FGF12: variants seen among roughly 807,000 people sequenced by gnomAD.
FGF12 encodes the protein fibroblast growth factor 12, also known as fibroblast growth factor 12B.
A neutral mutation model predicts 23.6 loss-of-function variants in FGF12; 14 were observed. That is an observed-to-expected ratio of 0.59 (90% CI 0.39 to 0.93). The LOEUF (loss-of-function observed/expected upper bound fraction) is 0.93. Among genes scored for constraint, FGF12 ranks in the 40% least tolerant of loss-of-function variants. The probability of loss-of-function intolerance (pLI) is 0.00; values close to 1 mark genes in which losing one functional copy is unlikely to be tolerated. For synonymous variants in FGF12, 62 were observed against 77.3 expected (o/e 0.80, Z 1.04); for missense variants, 175 against 217.8 (o/e 0.80, Z 1.24).
intron 2 of FGF12, among the ~76,000 whole-genome samples, chr3:192,364,539 T>C (rs530400833): frequency 3.3e-4 from 50 of 152,312 alleles, no homozygotes; most frequent in African/African-American, 1.2e-3. Context: ...GTTTGGCAGA[T>C]GAATGAGTGT....
intron 2 of FGF12, among the ~76,000 whole-genome samples, chr3:192,428,582 T>C (rs985091961): frequency 9.2e-5 from 14 of 152,172 alleles, no homozygotes; most frequent in African/African-American, 2.9e-4. Context: ...ACAGTGACTC[T>C]TCTCTTGGGT....
chr3:192,430,086 G>A (rs1273436441), intron 2 of FGF12, among the ~76,000 whole-genome samples: 1 of 151,940 alleles, frequency 6.6e-6, no homozygotes, highest in Non-Finnish European at 1.5e-5. Context: ...TATGTTCATA[G>A]CAGCATATTC....
At chr3:192,686,232 A>G (rs891396741) in intron 2 of FGF12, among the ~76,000 whole-genome samples, 2 of 152,220 alleles carry the variant, frequency 1.3e-5, no homozygotes, top group African/African-American at 4.8e-5. Context: ...TCTAGGGGAA[A>G]CCTTGACTGG....
chr3:192,205,024 C>T (rs9858041), intron 4 of FGF12, among the ~76,000 whole-genome samples: 2,776 of 152,272 alleles, frequency 0.018, 92 homozygotes, highest in African/African-American at 0.064. Flanking sequence ...TGATTTTCTA[C>T]TCTCCTAAGT....
At chr3:192,674,674 T>C (rs769446464) in intron 2 of FGF12, among the ~76,000 whole-genome samples, 3 of 152,194 alleles carry the variant, frequency 2.0e-5, no homozygotes, top group Non-Finnish European at 2.9e-5. Context: ...CTCTCCAATC[T>C]AAAAATTCTC....
Position 192,408,492 on chromosome 3 carries a change from T to G in FGF12, c.14-47954A>C. 1 of 1,295,628 alleles carries G rather than the reference T, an allele frequency of 7.7e-7. No individual in the cohort carries two copies. The highest frequency in any genetic ancestry group is 9.8e-7 in the Non-Finnish European group (1 of 1,022,946). 80.3% of individuals were successfully genotyped at this position (1,295,628 alleles called of 1,614,324 possible). ...GGGGCGGGGCGGTCCCAGGCCCTCT[T>G]GCGAAGTAGACGTTTGCACCCCAAA... On this transcript the variant is annotated intron_variant, in intron 2 of 5. Transcript: ENST00000445105. This position sits in a 1 kb window ranked among gnomAD's most constrained non-coding sequence, Gnocchi z 7.3.
At chr3:192,431,993 C>T (rs1252799221) in intron 2 of FGF12, among the ~76,000 whole-genome samples, 1 of 152,188 alleles carries the variant, frequency 6.6e-6, no homozygotes, top group Non-Finnish European at 1.5e-5. Flanking sequence ...TCTGTTCCCA[C>T]TGGCAGCCCT....
chr3:192,489,127 G>A (rs1447006911), intron 2 of FGF12, among the ~76,000 whole-genome samples: 1 of 151,944 alleles, frequency 6.6e-6, no homozygotes, highest in East Asian at 1.9e-4. Flanking sequence ...TGTAACTGAT[G>A]ACTTGCTGGG....
intron 4 of FGF12, among the ~76,000 whole-genome samples, chr3:192,322,870 T>C (rs1373695657): frequency 6.6e-6 from 1 of 152,130 alleles, no homozygotes; most frequent in Non-Finnish European, 1.5e-5. Context: ...AAGACTTAAA[T>C]CTAAGACCTC....
chr3:192,534,894 G>A (rs538219046), intron 2 of FGF12, among the ~76,000 whole-genome samples: 5 of 152,120 alleles, frequency 3.3e-5, no homozygotes, highest in Admixed American at 2.0e-4. Context: ...CCTCCAAATA[G>A]AAATACCACC....
chr3:192,349,507 T>G lies in FGF12; in HGVS notation c.124+10921A>C, dbSNP rs1718111485. ...ATTTATACTGCTGCCCTTAGATGAA[T>G]AATAAAAGCAATGACTCTCTCTCTT... is the stretch of plus-strand genomic sequence containing the variant. On this transcript the variant is annotated intron_variant, in intron 3 of 5. Transcript: ENST00000445105. 3.9e-5 allele frequency among the ~76,000 whole-genome samples: 6 copies of G among 152,202 alleles called. No homozygotes were observed. In the South Asian group the frequency reaches 1.2e-3, roughly 32 times the overall value.
At chr3:192,263,755 A>G (rs1712905136) in intron 4 of FGF12, among the ~76,000 whole-genome samples, 1 of 152,066 alleles carries the variant, frequency 6.6e-6, no homozygotes, top group Non-Finnish European at 1.5e-5. Context: ...AAATTAAATC[A>G]GAGGAAATAA....
intron 2 of FGF12, among the ~76,000 whole-genome samples, chr3:192,658,270 A>G (rs1276368121): frequency 2.0e-5 from 3 of 152,246 alleles, no homozygotes; most frequent in South Asian, 2.1e-4. Context: ...TAGCAGGCTG[A>G]AAGCTGATAC....
intron 2 of FGF12, among the ~76,000 whole-genome samples, chr3:192,537,223 C>T (rs560740171): frequency 1.7e-4 from 26 of 152,122 alleles, no homozygotes; most frequent in African/African-American, 6.3e-4. Context: ...TTTCAGTTGC[C>T]TCAAAATCTT....
chr3:192,170,416 C>T (rs371505214), intron 5 of FGF12, 42 bp downstream of exon 5: 3 of 1,554,808 alleles, frequency 1.9e-6, no homozygotes, highest in African/African-American at 2.7e-5. Context: ...GATGTCAACA[C>T]ACAGATAAGG....
intron 4 of FGF12, among the ~76,000 whole-genome samples, chr3:192,268,085 G>A (rs898781060): frequency 6.6e-6 from 1 of 152,156 alleles, no homozygotes. Context: ...ACCCAGCACA[G>A]TACTATGAAA....
chr3:192,502,441 C>T (rs1234395880), intron 2 of FGF12, among the ~76,000 whole-genome samples: 2 of 152,206 alleles, frequency 1.3e-5, no homozygotes, highest in Non-Finnish European at 2.9e-5. Context: ...AGACTAATCT[C>T]TTTGCAATCT....
At chr3:192,209,686 T>C (rs1425895423) in intron 4 of FGF12, among the ~76,000 whole-genome samples, 1 of 152,184 alleles carries the variant, frequency 6.6e-6, no homozygotes, top group Non-Finnish European at 1.5e-5. Flanking sequence ...ATTTTAGAGA[T>C]AGGAATTTTT....
At chr3:192,633,419 T>G (rs1001326862) in intron 2 of FGF12, among the ~76,000 whole-genome samples, 1 of 152,130 alleles carries the variant, frequency 6.6e-6, no homozygotes, top group Non-Finnish European at 1.5e-5. Flanking sequence ...TTCAGGATCC[T>G]ATTTCCAAAT....
Sources: gnomAD v4.1 joint callset for allele counts (sites outside exome capture counted in the v4.1 genomes callset) on GRCh38, gnomAD v4.1.1 for gene constraint, Gnocchi (gnomAD v3.1) non-coding constraint, MANE v1.5 for transcripts, NCBI Gene and HGNC (gene_info 2026-07-23, HGNC 2026-07-21) for gene names.